The following GRIN2A variants were observed in gnomAD, a reference collection of about 807,000 sequenced individuals.
The protein encoded by GRIN2A is glutamate ionotropic receptor NMDA type subunit 2A.
GRIN2A carries 22 observed loss-of-function variants against 113.4 expected under a neutral mutation model. That is an observed-to-expected ratio of 0.19 (90% CI 0.14 to 0.28). The LOEUF (loss-of-function observed/expected upper bound fraction) is 0.28. Among genes scored for constraint, GRIN2A ranks in the 10% least tolerant of loss-of-function variants. The probability of loss-of-function intolerance (pLI) is 1.00; values close to 1 mark genes in which losing one functional copy is unlikely to be tolerated. For missense variants in GRIN2A, 1,502 were observed against 1,887.0 expected, an observed-to-expected ratio of 0.80 and a Z score of 3.78; for synonymous variants, 827 against 738.4, an observed-to-expected ratio of 1.12 and a Z score of -1.94.
At chr16:9,858,681 C>T (rs1038080276) in intron 4 of GRIN2A, among the ~76,000 whole-genome samples, 3 of 152,100 alleles carry the variant, frequency 2.0e-5, no homozygotes, top group African/African-American at 7.2e-5. Flanking sequence ...ACTAATTGCT[C>T]TTCAGCTCCT....
chr16:9,826,529 C>T (rs551949601), intron 9 of GRIN2A, among the ~76,000 whole-genome samples: 12 of 151,434 alleles, frequency 7.9e-5, no homozygotes, highest in Admixed American at 7.9e-4. Flanking sequence ...AAACAAACAA[C>T]AAAAAAACAA....
At chr16:9,925,468 G>A (rs769586541) in intron 3 of GRIN2A, among the ~76,000 whole-genome samples, 3 of 152,036 alleles carry the variant, frequency 2.0e-5, no homozygotes, top group Non-Finnish European at 2.9e-5. Context: ...CTCCATTTAC[G>A]CGGATCACTT....
intron 3 of GRIN2A, among the ~76,000 whole-genome samples, chr16:9,932,059 T>C (rs2044605620): frequency 6.6e-6 from 1 of 152,210 alleles, no homozygotes; most frequent in Non-Finnish European, 1.5e-5. Context: ...GTCACCCAGA[T>C]CCTACTCCTC....
chr16:9,781,292 T>C (rs552285027), intron 11 of GRIN2A, among the ~76,000 whole-genome samples: 1 of 152,346 alleles, frequency 6.6e-6, no homozygotes, highest in East Asian at 1.9e-4. Context: ...AGAACTGTAA[T>C]GCCTAATGCT....
At chr16:9,898,054 CTT>C (rs71402414) in intron 3 of GRIN2A, among the ~76,000 whole-genome samples, 6 of 109,702 alleles carry the variant, frequency 5.5e-5, no homozygotes, top group Non-Finnish European at 8.8e-5. Flanking sequence ...CCTCCATTTC[CTT>C]TTTTTTTTTT....
At chr16:9,767,172 A>C (rs1347128549) in intron 12 of GRIN2A, among the ~76,000 whole-genome samples, 1 of 152,230 alleles carries the variant, frequency 6.6e-6, no homozygotes, top group Non-Finnish European at 1.5e-5. Context: ...ATTTTTAAGC[A>C]ATCTATGTGT....
At chr16:9,780,674 T>G (rs942469342) in intron 11 of GRIN2A, among the ~76,000 whole-genome samples, 2 of 152,210 alleles carry the variant, frequency 1.3e-5, no homozygotes, top group Non-Finnish European at 1.5e-5. Context: ...TATTGGGATT[T>G]GTGCAATATA....
At chr16:10,167,774 G>C (rs1258984494) in intron 2 of GRIN2A, among the ~76,000 whole-genome samples, 1 of 152,178 alleles carries the variant, frequency 6.6e-6, no homozygotes, top group African/African-American at 2.4e-5. Context: ...CCCATGGAAA[G>C]TTCCAAAATT....
At chr16:10,035,977 G>C (rs1259645497) in intron 2 of GRIN2A, among the ~76,000 whole-genome samples, 1 of 152,186 alleles carries the variant, frequency 6.6e-6, no homozygotes, top group Non-Finnish European at 1.5e-5. Flanking sequence ...GCCTGCCTGG[G>C]CCTCCCAAAG....
chr16:10,036,245 C>T (rs2047022527), intron 2 of GRIN2A, among the ~76,000 whole-genome samples: 1 of 151,898 alleles, frequency 6.6e-6, no homozygotes, highest in South Asian at 2.1e-4. Context: ...AACTTGGTGG[C>T]TTGAACAATA....
At chr16:10,115,036 T>C (rs2048702746) in intron 2 of GRIN2A, among the ~76,000 whole-genome samples, 1 of 152,276 alleles carries the variant, frequency 6.6e-6, no homozygotes, top group African/African-American at 2.4e-5. Context: ...AATTATTCTC[T>C]GGTTCATTTA....
chr16:10,040,379 T>C lies in GRIN2A; in HGVS notation c.415-101828A>G, dbSNP rs189262038. 1.0e-3 allele frequency among the ~76,000 whole-genome samples: 151 copies of C among 144,020 alleles called. 2 individuals carry two copies. Among genetic ancestry groups the C allele is most frequent in the African/African-American group, 3.9e-3 (149 of 38,326 alleles). The allele number at this position is 144,020 out of a possible 152,430, so 94.5% of individuals were successfully genotyped here. A position where few individuals can be genotyped will look rare whatever the true frequency, so the allele number is the denominator to read the frequency against. On this transcript the variant is annotated intron_variant, in intron 2 of 12. Transcript: ENST00000330684. ...TCACAATGTACAAACACACAACACATACATCCACACCACAAATACACCCAC... is the reference window on the plus strand; with the variant it reads ...TCACAATGTACAAACACACAACACACACATCCACACCACAAATACACCCAC...
intron 4 of GRIN2A, among the ~76,000 whole-genome samples, chr16:9,880,077 G>A (rs1022147897): frequency 1.4e-4 from 22 of 152,060 alleles, no homozygotes; most frequent in African/African-American, 4.6e-4. Flanking sequence ...AAGTCCCAGC[G>A]GGCTCAGCTG....
chr16:9,997,997 C>T (rs1025234292), intron 2 of GRIN2A, among the ~76,000 whole-genome samples: 1 of 152,208 alleles, frequency 6.6e-6, no homozygotes, highest in Non-Finnish European at 1.5e-5. Flanking sequence ...TGAAAATAGA[C>T]TAATACATGT....
chr16:10,016,911 C>T (rs952544422), intron 2 of GRIN2A, among the ~76,000 whole-genome samples: 3 of 152,232 alleles, frequency 2.0e-5, no homozygotes, highest in African/African-American at 7.2e-5. Context: ...CCTACACCTC[C>T]TCTGCCAAAT....
intron 3 of GRIN2A, among the ~76,000 whole-genome samples, chr16:9,913,770 T>C (rs1424239100): frequency 1.3e-5 from 2 of 152,226 alleles, no homozygotes; most frequent in African/African-American, 4.8e-5. Context: ...AACTTTTTTT[T>C]TAGCTTTTGC....
At chr16:9,978,981 C>A (rs937177582) in intron 2 of GRIN2A, among the ~76,000 whole-genome samples, 2 of 152,170 alleles carry the variant, frequency 1.3e-5, no homozygotes, top group Non-Finnish European at 2.9e-5. Context: ...CACAACGAAA[C>A]CTGTGAAGAA....
At chr16:9,844,720 A>T (rs1476064540) in intron 5 of GRIN2A, among the ~76,000 whole-genome samples, 4 of 152,204 alleles carry the variant, frequency 2.6e-5, no homozygotes, top group Non-Finnish European at 5.9e-5. Flanking sequence ...GCAGACTCAG[A>T]CAAATCTCAT....
intron 2 of GRIN2A, among the ~76,000 whole-genome samples, chr16:10,048,175 T>C (rs1190887982): frequency 3.3e-5 from 5 of 152,258 alleles, no homozygotes; most frequent in Non-Finnish European, 5.9e-5. Flanking sequence ...ATGACTCAGT[T>C]TTCTTTATGT....
Sources: allele counts gnomAD v4.1 joint callset (sites outside exome capture counted in the v4.1 genomes callset), GRCh38; gene constraint gnomAD v4.1.1; transcripts MANE v1.5; gene names NCBI Gene and HGNC (gene_info 2026-07-23, HGNC 2026-07-21).